The following HS3ST5 variants were observed in gnomAD, a reference collection of about 807,000 sequenced individuals.
The protein encoded by HS3ST5 is heparan sulfate-glucosamine 3-sulfotransferase 5.
HS3ST5 carries 10 observed loss-of-function variants against 25.4 expected under a neutral mutation model. The ratio of observed to expected loss-of-function variants is 0.39; its 90% CI spans 0.24 to 0.67. The LOEUF (loss-of-function observed/expected upper bound fraction) is 0.67, where lower values mean the gene tolerates loss of function less well. HS3ST5 is among the 30% of genes least tolerant of loss of function. The pLI is 0.44. For missense variants in HS3ST5, 324 were observed against 420.7 expected (o/e 0.77, Z 2.01); for synonymous variants, 170 against 162.4 (o/e 1.05, Z -0.36).
intron 2 of HS3ST5, among the ~76,000 whole-genome samples, chr6:114,205,705 T>A (rs759774489): frequency 6.6e-6 from 1 of 152,154 alleles, no homozygotes; most frequent in East Asian, 1.9e-4. Context: ...AGGACCAATT[T>A]TTTTATGGAC....
chr6:114,111,072 C>A (rs939675076), intron 3 of HS3ST5, among the ~76,000 whole-genome samples: 1 of 152,096 alleles, frequency 6.6e-6, no homozygotes, highest in Non-Finnish European at 1.5e-5. Context: ...ATATGCAAAC[C>A]TGACCTCTTA....
At chr6:114,154,628 T>C (rs1032208142) in intron 3 of HS3ST5, among the ~76,000 whole-genome samples, 4 of 152,202 alleles carry the variant, frequency 2.6e-5, no homozygotes, top group African/African-American at 9.6e-5. Flanking sequence ...CTGCACCCCA[T>C]CACATCTTAT....
rs117788134 is a variant in HS3ST5, at chr6:114,275,567, A to G, written c.-338-46789T>C. On this transcript the variant is annotated intron_variant, in intron 1 of 4. Transcript: ENST00000312719. The stretch of plus-strand genomic sequence containing the variant: ...ACTAAAACAAGGTTAGGGTTTTTAT[A>G]GCATAGGGTAGGGATCAGGAAACTT... Among the ~76,000 whole-genome samples the G allele has an allele frequency of 2.6e-4, 40 of 152,084 alleles. No individual in the cohort carries two copies. The East Asian group carries it at 7.8e-3, about 30-fold the overall frequency.
chr6:114,313,025 G>GAAAAAAAAAAAAAAAAAAAAAA (rs5879258), intron 1 of HS3ST5, among the ~76,000 whole-genome samples: 2 of 16,122 alleles, frequency 1.2e-4, no homozygotes, highest in African/African-American at 2.3e-4. Context: ...CCCTGCATCA[G>GAAAAAAAAAAAAAAAAAAAAAA]AAAAAAAAAA....
intron 1 of HS3ST5, among the ~76,000 whole-genome samples, chr6:114,247,006 A>T (rs1772410553): frequency 6.6e-6 from 1 of 152,220 alleles, no homozygotes; most frequent in Admixed American, 6.5e-5. Flanking sequence ...ATTAAACAAA[A>T]CTTACTTCTT....
chr6:114,298,471 A>G (rs1774923478), intron 1 of HS3ST5, among the ~76,000 whole-genome samples: 1 of 152,220 alleles, frequency 6.6e-6, no homozygotes, highest in East Asian at 1.9e-4. Context: ...AATCTTCACA[A>G]TTCTATGAGG....
At position 114,062,882 on chromosome 6, in the gene HS3ST5, G is replaced by A. The variant is rs189253118; in HGVS notation, c.-32-5C>T. 9 of 1,521,862 alleles carry A rather than the reference G, an allele frequency of 5.9e-6. No homozygotes were observed. The highest frequency in any genetic ancestry group is 1.4e-5 in the African/African-American group (1 of 73,152). 94.3% of individuals were successfully genotyped at this position (1,521,862 alleles called of 1,614,324 possible). A position where few individuals can be genotyped will look rare whatever the true frequency, so the allele number is the denominator to read the frequency against. ...AACCTTCAGGACTGCTGCAGCCTGC[G>A]ATAGAAGGACTCATCAGCAGCCATC... is the stretch of plus-strand genomic sequence containing the variant. On this transcript the variant is annotated splice_region_variant and splice_polypyrimidine_tract_variant and intron_variant, in intron 3 of 4. Coordinates refer to ENST00000312719, the MANE Select transcript of HS3ST5 (RefSeq NM_153612.4).
intron 1 of HS3ST5, among the ~76,000 whole-genome samples, chr6:114,269,157 G>A (rs1773532792): frequency 6.6e-6 from 1 of 152,192 alleles, no homozygotes; most frequent in Non-Finnish European, 1.5e-5. Flanking sequence ...CACGGTATTA[G>A]GCAATGTACA....
intron 3 of HS3ST5, among the ~76,000 whole-genome samples, chr6:114,085,936 C>CT (rs1554207180): frequency 9.4e-5 from 10 of 106,656 alleles, no homozygotes; most frequent in Admixed American, 4.0e-4. Context: ...AATTCATTGC[C>CT]CCCCCCCCCA....
At chr6:114,083,603 CT>C (rs1774591076) in intron 3 of HS3ST5, among the ~76,000 whole-genome samples, 1 of 152,308 alleles carries the variant, frequency 6.6e-6, no homozygotes, top group Middle Eastern at 3.4e-3. Flanking sequence ...TCTCTTTTCA[CT>C]TTTTCCACTT....
chr6:114,274,259 C>T (rs137908506), intron 1 of HS3ST5, among the ~76,000 whole-genome samples: 156 of 151,950 alleles, frequency 1.0e-3, no homozygotes, highest in African/African-American at 3.5e-3. Context: ...AGGAGATCAG[C>T]GGAGAGAGAC....
intron 3 of HS3ST5, among the ~76,000 whole-genome samples, chr6:114,099,249 T>G (rs532641668): frequency 6.6e-6 from 1 of 152,278 alleles, no homozygotes; most frequent in South Asian, 2.1e-4. Context: ...AAGTACAAGT[T>G]AATTTTAAGG....
chr6:114,073,563 G>A (rs981216486), intron 3 of HS3ST5, among the ~76,000 whole-genome samples: 1 of 152,204 alleles, frequency 6.6e-6, no homozygotes, highest in Admixed American at 6.5e-5. Flanking sequence ...GGTTATCAGA[G>A]AAATGCAGAT....
intron 1 of HS3ST5, among the ~76,000 whole-genome samples, chr6:114,291,493 C>T (rs550776975): frequency 4.3e-4 from 65 of 152,232 alleles, no homozygotes; most frequent in African/African-American, 1.4e-3. Context: ...AACCTCGGGT[C>T]ATCTAGTTCC....
chr6:114,208,869 A>C (rs1442595136), intron 2 of HS3ST5, among the ~76,000 whole-genome samples: 1 of 152,178 alleles, frequency 6.6e-6, no homozygotes, highest in Non-Finnish European at 1.5e-5. Context: ...CAGCTATTTT[A>C]AAGTTTAGGG....
At chr6:114,315,263 G>A (rs1204525789) in intron 1 of HS3ST5, among the ~76,000 whole-genome samples, 1 of 152,054 alleles carries the variant, frequency 6.6e-6, no homozygotes, top group Admixed American at 6.6e-5. Flanking sequence ...CAGAACTGCT[G>A]CACATATTAG....
intron 1 of HS3ST5, among the ~76,000 whole-genome samples, chr6:114,302,782 T>A: frequency 6.6e-6 from 1 of 152,180 alleles, no homozygotes; most frequent in East Asian, 1.9e-4. Context: ...TCATTTTATG[T>A]CTTCATTATT....
At chr6:114,078,418 C>T (rs1774262393) in intron 3 of HS3ST5, among the ~76,000 whole-genome samples, 2 of 152,054 alleles carry the variant, frequency 1.3e-5, no homozygotes, top group South Asian at 4.2e-4. Context: ...CCATGTTGGC[C>T]AGGCTGGTCT....
At chr6:114,153,499 C>T (rs1323721884) in intron 3 of HS3ST5, among the ~76,000 whole-genome samples, 1 of 152,166 alleles carries the variant, frequency 6.6e-6, no homozygotes, top group Non-Finnish European at 1.5e-5. Context: ...GCTTCATGCT[C>T]ATCTTCGTAT....
Sources: gnomAD v4.1 joint callset for allele counts (sites outside exome capture counted in the v4.1 genomes callset) on GRCh38, gnomAD v4.1.1 for gene constraint, MANE v1.5 for transcripts, NCBI Gene and HGNC (gene_info 2026-07-23, HGNC 2026-07-21) for gene names.